Variants in PCDHGB5 observed in about 807,000 individuals in gnomAD.
The protein encoded by PCDHGB5 is protocadherin gamma-B5.
PCDHGB5 carries 48 observed loss-of-function variants against 62.9 expected under a neutral mutation model. The observed-to-expected ratio is 0.76, with a 90% CI of 0.61 to 0.97. The LOEUF is 0.97. Ranked by LOEUF, PCDHGB5 falls within the 50% of genes least tolerant of loss-of-function variation. The pLI is 0.00. For missense variants in PCDHGB5, 1,118 were observed against 1,198.6 expected (o/e 0.93, Z 0.99); for synonymous variants, 474 against 511.2 (o/e 0.93, Z 0.98).
chr5:141,420,080 C>G, intron 1 of PCDHGB5: 2 of 1,614,010 alleles, frequency 1.2e-6, no homozygotes, highest in African/African-American at 1.3e-5. Flanking sequence ...TGTGGGTCCC[C>G]CCAACTACAG....
intron 1 of PCDHGB5, among the ~76,000 whole-genome samples, chr5:141,445,077 T>C (rs778919022): frequency 5.9e-5 from 9 of 152,242 alleles, no homozygotes; most frequent in Non-Finnish European, 1.2e-4. Flanking sequence ...CTCATTAAAT[T>C]GTCCCTACAT....
chr5:141,462,408 A>G (rs1240372917), intron 1 of PCDHGB5, among the ~76,000 whole-genome samples: 2 of 152,188 alleles, frequency 1.3e-5, no homozygotes, highest in Non-Finnish European at 2.9e-5. Context: ...ATGGCACAGA[A>G]TATGGTCTAT....
chr5:141,419,794 T>C (rs368369787), intron 1 of PCDHGB5: 54 of 1,613,930 alleles, frequency 3.3e-5, no homozygotes, highest in Non-Finnish European at 4.5e-5. Flanking sequence ...TGCTAGTCGC[T>C]GTAAGAGATG....
chr5:141,474,626 G>A (rs1006911535), intron 1 of PCDHGB5, among the ~76,000 whole-genome samples: 5 of 152,288 alleles, frequency 3.3e-5, no homozygotes, highest in African/African-American at 9.6e-5. Flanking sequence ...CATCTCTTCC[G>A]GAAATATCCT....
Position 141,431,464 on chromosome 5 carries a change from G to GA in PCDHGB5, c.2397+30942dup, listed in dbSNP as rs1561852795. 1 of 1,613,782 alleles carries GA rather than the reference G, an allele frequency of 6.2e-7. No homozygotes were observed. Among genetic ancestry groups the GA allele is most frequent in the Non-Finnish European group, 8.5e-7 (1 of 1,179,972 alleles). ...GCATCCGCGTGATGGTTCTGGATGC[G>GA]AACGACAACGCACCAGCGTTTGCTC... On this transcript the variant is annotated intron_variant, in intron 1 of 3. Coordinates refer to ENST00000617380, the MANE Select transcript of PCDHGB5 (RefSeq NM_018925.3). This position sits in a 1 kb window ranked among gnomAD's most constrained non-coding sequence, Gnocchi z 4.8.
Position 141,491,880 on chromosome 5 carries a change from G to C in PCDHGB5, c.2398-2927G>C. ...GCGAAACCAGAGTGGCCGATTAAGG[G>C]ATGGGGCTCCGAGCACCGGGGGTGG... On this transcript the variant is annotated intron_variant, in intron 1 of 3. Transcript: ENST00000617380. This position sits in a 1 kb window ranked among gnomAD's most constrained non-coding sequence, Gnocchi z 6.9. 1 of 1,449,834 alleles carries C rather than the reference G, an allele frequency of 6.9e-7. No individual in the cohort carries two copies. 89.8% of individuals were successfully genotyped at this position (1,449,834 alleles called of 1,614,324 possible).
Position 141,490,973 on chromosome 5 carries a change from G to A in PCDHGB5, c.2398-3834G>A, listed in dbSNP as rs774983500. 5.0e-6 allele frequency: 8 copies of A among 1,613,932 alleles called. No homozygotes were observed. The highest frequency in any genetic ancestry group is 2.2e-5 in the East Asian group (1 of 44,878). On this transcript the variant is annotated intron_variant, in intron 1 of 3. Transcript: ENST00000617380. The surrounding 1 kb of genome is among the most constrained non-coding windows in gnomAD (Gnocchi z 5.4). ...GACTGGGAACACTCAGCCCCCCAGC[G>A]TCTCCCTCGCTCTGCTCCTCCTGGC...
At chr5:141,449,521 G>A (rs1238503983) in intron 1 of PCDHGB5, among the ~76,000 whole-genome samples, 4 of 150,262 alleles carry the variant, frequency 2.7e-5, no homozygotes, top group African/African-American at 9.8e-5. Flanking sequence ...CCTGGGAGGC[G>A]GAGGTTGCAG....
intron 1 of PCDHGB5, among the ~76,000 whole-genome samples, chr5:141,437,052 T>A (rs986734485): frequency 6.6e-5 from 10 of 152,258 alleles, no homozygotes; most frequent in Non-Finnish European, 1.3e-4. Flanking sequence ...AGAAGGCTGG[T>A]GATCATTATT....
In PCDHGB5 at chr5:141,451,946, G is replaced by A. The variant is rs146934262; in HGVS notation, c.2398-42861G>A. On this transcript the variant is annotated intron_variant, in intron 1 of 3. Coordinates refer to ENST00000617380, the MANE Select transcript of PCDHGB5 (RefSeq NM_018925.3). ...GGAGGTAGGGAGGCAGGGAAAGACC[G>A]AGAAAGTGACATACCATCATTTTTG... Among the ~76,000 whole-genome samples, 240 of 152,218 alleles carry A rather than the reference G, an allele frequency of 1.6e-3. 1 individual carries two copies. Among genetic ancestry groups the A allele is most frequent in the Non-Finnish European group, 2.9e-3 (195 of 68,026 alleles).
chr5:141,458,551 T>A (rs1019302178), intron 1 of PCDHGB5, among the ~76,000 whole-genome samples: 1 of 148,194 alleles, frequency 6.7e-6, no homozygotes, highest in Non-Finnish European at 1.5e-5. Flanking sequence ...TTTGTTTGTT[T>A]GTTTTGGTTT....
chr5:141,426,614 G>T (rs1468159807), intron 1 of PCDHGB5: 25 of 385,508 alleles, frequency 6.5e-5, no homozygotes, highest in Non-Finnish European at 1.3e-4. Context: ...TTGTAGCAGA[G>T]AATCCTCTAA....
Position 141,476,129 on chromosome 5 carries a change from G to A in PCDHGB5, c.2398-18678G>A. ...GCTTTTGAGTGAGATGGTCCCAGAG[G>A]CCTGGAGGAGCGGACTGGTAAGCAC... On this transcript the variant is annotated intron_variant, in intron 1 of 3. Transcript: ENST00000617380. This position sits in a 1 kb window ranked among gnomAD's most constrained non-coding sequence, Gnocchi z 7.6. The A allele has an allele frequency of 6.2e-7, 1 of 1,606,848 alleles. No homozygotes were observed. The highest frequency in any genetic ancestry group is 8.5e-7 in the Non-Finnish European group (1 of 1,177,814).
chr5:141,483,257 T>G, intron 1 of PCDHGB5, among the ~76,000 whole-genome samples: 1 of 137,924 alleles, frequency 7.3e-6, no homozygotes, highest in East Asian at 1.9e-4. Flanking sequence ...ATCATGAGGT[T>G]TTTTTGTTTT....
At chr5:141,433,257 G>C (rs764036349) in intron 1 of PCDHGB5, 3 of 1,385,416 alleles carry the variant, frequency 2.2e-6, no homozygotes, top group Non-Finnish European at 3.0e-6. Flanking sequence ...GCAGCGGTAC[G>C]ATCATAGCTC....
Position 141,490,179 on chromosome 5 carries a change from A to G in PCDHGB5, c.2398-4628A>G. On this transcript the variant is annotated intron_variant, in intron 1 of 3. Transcript: ENST00000617380. This position sits in a 1 kb window ranked among gnomAD's most constrained non-coding sequence, Gnocchi z 5.4. Reference sequence around the variant, plus strand: ...TGGGTCCCATAGACTTTGAGGAGTCACGTTTCTATGAAATTCATGCAAGAG... The same window carrying G: ...TGGGTCCCATAGACTTTGAGGAGTCGCGTTTCTATGAAATTCATGCAAGAG... 1 of 1,614,202 alleles carries G rather than the reference A, an allele frequency of 6.2e-7. No individual in the cohort carries two copies. Among genetic ancestry groups the G allele is most frequent in the East Asian group, 2.2e-5 (1 of 44,882 alleles).
intron 1 of PCDHGB5, among the ~76,000 whole-genome samples, chr5:141,439,459 A>C (rs558086952): frequency 6.6e-6 from 1 of 152,222 alleles, no homozygotes. Flanking sequence ...GCAAGACTGC[A>C]CTGCTGCCTT....
Position 141,399,640 on chromosome 5 carries a change from G to A in PCDHGB5, c.1513G>A (p.Ala505Thr). ...ACTGGCCTCTTACGTGTCCATGAGC[G>A]CGCAAAGTGGGGTGGTGTTCGCGCA... ...LALASYVSMS[A>T]QSGVVFAQRA... is the part of the protein sequence containing the mutation. Residue 505 changes from alanine to threonine, a missense_variant, in exon 1 of 4, where the codon GCG becomes ACG. Physicochemically the swap from Ala to Thr is moderately conservative, Grantham distance 58. Around this residue, in one of 2 missense-constraint regions of PCDHGB5, gnomAD observed 1,034 missense variants for 1,029.1 expected, o/e 1.00. Transcript: ENST00000617380. 6.2e-7 allele frequency: 1 copy of A among 1,613,836 alleles called. No homozygotes were observed. The highest frequency in any genetic ancestry group is 8.5e-7 in the Non-Finnish European group (1 of 1,179,886).
chr5:141,404,165 T>G, intron 1 of PCDHGB5: 1 of 1,613,246 alleles, frequency 6.2e-7, no homozygotes, highest in Non-Finnish European at 8.5e-7. Flanking sequence ...TTACAGATTG[T>G]TGACGGCCCA....
Sources: gnomAD v4.1 joint callset for allele counts (sites outside exome capture counted in the v4.1 genomes callset) on GRCh38, gnomAD v4.1.1 for gene constraint, gnomAD v4.1.1 regional missense constraint, Gnocchi (gnomAD v3.1) non-coding constraint, MANE v1.5 for transcripts, NCBI Gene and HGNC (gene_info 2026-07-23, HGNC 2026-07-21) for gene names.